Variants in SPEN observed in about 807,000 individuals in gnomAD.
SPEN encodes the protein spen family transcriptional repressor, also known as msx2-interacting protein.
A neutral mutation model predicts 269.9 loss-of-function variants in SPEN; 18 were observed. The ratio of observed to expected loss-of-function variants is 0.07; its 90% CI spans 0.05 to 0.10. The LOEUF is 0.10. Among genes scored for constraint, SPEN ranks in the 10% least tolerant of loss-of-function variants. The pLI is 1.00. For synonymous variants in SPEN, 1,726 were observed against 1,765.7 expected, an observed-to-expected ratio of 0.98 and a Z score of 0.56; for missense variants, 3,822 against 4,631.2, an observed-to-expected ratio of 0.83 and a Z score of 5.07.
chr1:15,874,175 A>C, intron 2 of SPEN: 1 of 1,366,480 alleles, frequency 7.3e-7, no homozygotes, highest in South Asian at 1.1e-5. Context: ...GGGGTTTGAG[A>C]GTTACAGTTT....
chr1:15,851,023 T>C (rs1040813804), intron 1 of SPEN, among the ~76,000 whole-genome samples: 1 of 152,208 alleles, frequency 6.6e-6, no homozygotes, highest in Non-Finnish European at 1.5e-5. Context: ...AGTAAGTGTT[T>C]GCATTTTACA....
At chr1:15,880,735 GC>G (rs922879862) in intron 3 of SPEN, among the ~76,000 whole-genome samples, 1 of 152,068 alleles carries the variant, frequency 6.6e-6, no homozygotes, top group African/African-American at 2.4e-5. Context: ...GGGATTACAG[GC>G]ATGAGCCACT....
intron 3 of SPEN, among the ~76,000 whole-genome samples, chr1:15,884,680 A>G (rs1047941982): frequency 4.6e-5 from 7 of 152,034 alleles, no homozygotes; most frequent in East Asian, 1.9e-4. Flanking sequence ...TTTAAAATAT[A>G]TATGAAGTAA....
At position 15,939,265 on chromosome 1, in the gene SPEN, G is replaced by T; in HGVS notation, c.10864-31G>T. The T allele has an allele frequency of 6.6e-7, 1 of 1,525,680 alleles. No homozygotes were observed. The highest frequency in any genetic ancestry group is 8.8e-7 in the Non-Finnish European group (1 of 1,132,306). The allele number at this position is 1,525,680 out of a possible 1,614,324, so 94.5% of individuals were successfully genotyped here. ...TGGAGTTGTGGGGGTGAAGACAGAC[G>T]GTCCCACTTTGCTCTCTATCCTGTC... On this transcript the variant is annotated intron_variant, in intron 14 of 14. Transcript: ENST00000375759. The surrounding 1 kb of genome is among the most constrained non-coding windows in gnomAD (Gnocchi z 4.1).
At chr1:15,859,823 G>A (rs1313020073) in intron 1 of SPEN, among the ~76,000 whole-genome samples, 2 of 150,544 alleles carry the variant, frequency 1.3e-5, no homozygotes, top group African/African-American at 4.9e-5. Context: ...TTTAGTTCTA[G>A]AGATGCTATA....
intron 1 of SPEN, among the ~76,000 whole-genome samples, chr1:15,864,599 G>GT (rs2070480791): frequency 1.4e-5 from 2 of 139,432 alleles, no homozygotes; most frequent in South Asian, 4.5e-4. Flanking sequence ...GTGAACTTAG[G>GT]TTTGTGGGTT....
intron 1 of SPEN, among the ~76,000 whole-genome samples, chr1:15,851,786 C>T (rs2070338996): frequency 2.0e-5 from 3 of 152,036 alleles, no homozygotes; most frequent in African/African-American, 7.2e-5. Context: ...AGTTCAAGAC[C>T]AGCTTGGTGA....
In SPEN at chr1:15,928,813, G is replaced by A. The variant is rs932050686; in HGVS notation, c.2573G>A (p.Ser858Asn). Residue 858 changes from serine to asparagine, a missense_variant, in exon 11 of 15, where the codon AGC becomes AAC. Physicochemically the swap from Ser to Asn is conservative, Grantham distance 46 (BLOSUM62 1). Coordinates refer to ENST00000375759, the MANE Select transcript of SPEN (RefSeq NM_015001.3). This position sits in a 1 kb window ranked among gnomAD's most constrained non-coding sequence, Gnocchi z 5.7. ...AAGCCCAGGAGTTGTAATAAACTGA[G>A]CAGAGAGAAAGCTGACAAAGAGGGA... Reference protein sequence around the residue: ...PEKPRSCNKLSREKADKEGIA... With the variant: ...PEKPRSCNKLNREKADKEGIA... The A allele has an allele frequency of 6.2e-7, 1 of 1,614,138 alleles. No individual in the cohort carries two copies. The highest frequency in any genetic ancestry group is 8.5e-7 in the Non-Finnish European group (1 of 1,180,020).
rs746697426 is a variant in SPEN at position 15,933,343 on chromosome 1, C to T, written c.7103C>T (p.Ala2368Val). The change falls in exon 11 of 15, where the codon GCT (alanine) becomes GTT (valine). Residue 2368 changes from alanine (A) to valine (V), a missense_variant. This residue lies in a region of SPEN where 727 missense variants were observed against 737.9 expected (regional missense o/e 0.99). Transcript: ENST00000375759. The surrounding 1 kb of genome is among the most constrained non-coding windows in gnomAD (Gnocchi z 5.7). ...ESNQAQGESP[A>V]ANEGTTVQHP... is the part of the protein sequence containing the mutation. ...AACCAAGCTCAAGGTGAGAGTCCTG[C>T]TGCAAATGAGGGGACAACAGTACAG... The T allele has an allele frequency of 6.2e-7, 1 of 1,614,104 alleles. No homozygotes were observed. Among genetic ancestry groups the T allele is most frequent in the South Asian group, 1.1e-5 (1 of 91,074 alleles).
chr1:15,858,837 A>C (rs2070412157), intron 1 of SPEN, among the ~76,000 whole-genome samples: 1 of 152,164 alleles, frequency 6.6e-6, no homozygotes, highest in African/African-American at 2.4e-5. Flanking sequence ...CCAGCTGTTC[A>C]GGAGGCTGAG....
chr1:15,894,533 G>GTGGTTTTTTTTTTTTTTTTTT (rs1557746623), intron 3 of SPEN, among the ~76,000 whole-genome samples: 3 of 136,014 alleles, frequency 2.2e-5, no homozygotes, highest in Non-Finnish European at 3.1e-5. Flanking sequence ...CCATATTATG[G>GTGGTTTTTTTTTTTTTTTTTT]TTGTTTTTTT....
rs145472748 is a variant in SPEN at position 15,931,343 on chromosome 1, C to G, written c.5103C>G (p.Asp1701Glu). The G allele has an allele frequency of 8.7e-6, 14 of 1,614,060 alleles. No homozygotes were observed. The African/African-American group carries it at 1.9e-4, about 22-fold the overall frequency. The change falls in exon 11 of 15, where the codon GAC becomes GAG. Residue 1701 changes from aspartate (D) to glutamate (E), a missense_variant. Coordinates refer to ENST00000375759, the MANE Select transcript of SPEN (RefSeq NM_015001.3). The surrounding 1 kb of genome is among the most constrained non-coding windows in gnomAD (Gnocchi z 4.8). ...PAPVEQLEQV[D>E]LPPGADPDKE... ...CTGTGGAACAGCTGGAACAAGTAGA[C>G]CTGCCCCCAGGAGCAGACCCCGATA...
At chr1:15,872,364 G>A (rs1180730117) in intron 1 of SPEN, among the ~76,000 whole-genome samples, 3 of 151,946 alleles carry the variant, frequency 2.0e-5, no homozygotes, top group African/African-American at 2.4e-5. Flanking sequence ...AGGCTAAGGC[G>A]GGCGGATCAC....
At chr1:15,924,846 G>A (rs1486705611) in intron 10 of SPEN, among the ~76,000 whole-genome samples, 1 of 152,142 alleles carries the variant, frequency 6.6e-6, no homozygotes. Context: ...CCTCTCAAAT[G>A]GCAGTTATCT....
Position 15,873,109 on chromosome 1 carries a change from A to C in SPEN, c.377A>C (p.Glu126Ala). The C allele has an allele frequency of 6.2e-7, 1 of 1,613,366 alleles. No homozygotes were observed. The highest frequency in any genetic ancestry group is 1.1e-5 in the South Asian group (1 of 91,052). ...YGPPPSLHAR[E>A]GRYERRLDGA... ...CCCCCACCGTCACTTCATGCACGAGAAGGACGTTATGAGCGGAGACTTGAT... is the reference window on the plus strand; with the variant it reads ...CCCCCACCGTCACTTCATGCACGAGCAGGACGTTATGAGCGGAGACTTGAT... Residue 126 changes from glutamate (E) to alanine (A), a missense_variant, in exon 2 of 15, where the codon GAA (glutamate) becomes GCA (alanine). Physicochemically the swap from Glu to Ala is moderately radical, Grantham distance 107. Coordinates refer to ENST00000375759, the MANE Select transcript of SPEN (RefSeq NM_015001.3).
Position 15,856,542 on chromosome 1 carries a change from G to C in SPEN, c.83+8392G>C, listed in dbSNP as rs141763892. Reference sequence around the variant, plus strand: ...TCATCACAACTTGGAAATTACAGTGGCTGTTAGATCTGCTGCCAGATACTT... The same window carrying C: ...TCATCACAACTTGGAAATTACAGTGCCTGTTAGATCTGCTGCCAGATACTT... On this transcript the variant is annotated intron_variant, in intron 1 of 14. Transcript: ENST00000375759. Among the ~76,000 whole-genome samples the C allele has an allele frequency of 6.7e-3, 1,014 of 150,438 alleles. 11 individuals are homozygous for C. Among genetic ancestry groups the C allele is most frequent in the African/African-American group, 0.023 (955 of 41,022 alleles).
chr1:15,855,212 G>A (rs1419929380), intron 1 of SPEN, among the ~76,000 whole-genome samples: 2 of 152,122 alleles, frequency 1.3e-5, no homozygotes, highest in Non-Finnish European at 2.9e-5. Flanking sequence ...GGTTGCATGT[G>A]CCTGTCTTTG....
At chr1:15,921,036 C>T in intron 9 of SPEN, 53 bp downstream of exon 9, 1 of 1,225,380 alleles carries the variant, frequency 8.2e-7, no homozygotes, top group Non-Finnish European at 1.2e-6. Flanking sequence ...TCAAATCTCA[C>T]CCTCTTGGGC....
intron 6 of SPEN, among the ~76,000 whole-genome samples, chr1:15,918,512 C>T (rs761839571): frequency 7.2e-5 from 11 of 152,248 alleles, no homozygotes; most frequent in Admixed American, 1.3e-4. Flanking sequence ...AGCCACGGTG[C>T]GCAGCCAGAT....
Sources: allele counts gnomAD v4.1 joint callset (sites outside exome capture counted in the v4.1 genomes callset), GRCh38; gene constraint gnomAD v4.1.1; regional missense constraint gnomAD v4.1.1; non-coding constraint Gnocchi (gnomAD v3.1); transcripts MANE v1.5; gene names NCBI Gene and HGNC (gene_info 2026-07-23, HGNC 2026-07-21).